TRPM1: variants seen among roughly 807,000 people sequenced by gnomAD.
TRPM1 encodes the protein transient receptor potential cation channel subfamily M member 1, also known as TRPM1-203 APA Isoform, Intron 10.
Under a neutral mutation model 149.4 loss-of-function variants are expected in TRPM1, and 113 were observed. The ratio of observed to expected loss-of-function variants is 0.76; its 90% CI spans 0.65 to 0.88. The LOEUF is 0.88. TRPM1 is among the 40% of genes least tolerant of loss of function. The pLI, the probability that TRPM1 is intolerant of heterozygous loss-of-function variation, is 0.00. For synonymous variants in TRPM1, 741 were observed against 759.5 expected (o/e 0.98, Z 0.40); for missense variants, 1,976 against 2,038.7 (o/e 0.97, Z 0.59).
chr15:31,084,493 C>T (rs11070797), intron 1 of TRPM1, among the ~76,000 whole-genome samples: 15,690 of 152,020 alleles, frequency 0.1, 1,153 homozygotes, highest in African/African-American at 0.21. Context: ...TCCTTTTGCT[C>T]GGCGTCATGT....
Position 31,035,608 on chromosome 15 carries a change from A to G in TRPM1, c.2638T>C (p.Ser880Pro). ...VILVRMDGWP[S>P]LQEWIVISYI... ...GAGATGACGATCCACTCCTGGAGGG[A>G]CGGCCAGCCATCCATCCGCACCAGG... Residue 880 changes from serine to proline, a missense_variant, in exon 21 of 28, where the codon TCC becomes CCC. Around this residue, in one of 3 missense-constraint regions of TRPM1, gnomAD observed 1,332 missense variants for 1,347.1 expected, o/e 0.99. Coordinates refer to ENST00000256552, the MANE Select transcript of TRPM1 (RefSeq NM_001252024.2). The G allele has an allele frequency of 6.2e-7, 1 of 1,614,132 alleles. No individual in the cohort carries two copies. Among genetic ancestry groups the G allele is most frequent in the Non-Finnish European group, 8.5e-7 (1 of 1,180,016 alleles).
chr15:31,046,922 G>T (rs2033781194), intron 15 of TRPM1, among the ~76,000 whole-genome samples, 189 bp downstream of exon 15: 1 of 152,242 alleles, frequency 6.6e-6, no homozygotes, highest in Admixed American at 6.5e-5. Flanking sequence ...TGGATGGGCG[G>T]GGCGGCCCGT....
chr15:31,034,478 T>C (rs1014467271), intron 21 of TRPM1, among the ~76,000 whole-genome samples: 1 of 152,220 alleles, frequency 6.6e-6, no homozygotes, highest in East Asian at 1.9e-4. Flanking sequence ...CTTGGAGCCA[T>C]GTCTCTGGTG....
rs146640619 is a variant in TRPM1, at chr15:31,068,962, T to C, written c.280-870A>G. ...AATTCCCCAGCCTAAGGCAATTTGTTATAGCAGCCAAACAGACCAAGACAC... is the reference window on the plus strand; with the variant it reads ...AATTCCCCAGCCTAAGGCAATTTGTCATAGCAGCCAAACAGACCAAGACAC... On this transcript the variant is annotated intron_variant, in intron 4 of 27. Coordinates refer to ENST00000256552, the MANE Select transcript of TRPM1 (RefSeq NM_001252024.2). Among the ~76,000 whole-genome samples, 55 of 152,298 alleles carry C rather than the reference T, an allele frequency of 3.6e-4. No homozygotes were observed. In the East Asian group the frequency reaches 9.1e-3, roughly 25 times the overall value.
rs143880852 is a variant in TRPM1, at chr15:31,036,444, T to G, written c.2572-770A>C. 2.5e-3 allele frequency among the ~76,000 whole-genome samples: 378 copies of G among 152,244 alleles called. 3 individuals carry two copies. The highest frequency in any genetic ancestry group is 8.8e-3 in the African/African-American group (364 of 41,544). ...TGGGCAGTTTGGTTTTTTTTTCTTTTTTTTCAAGATCCTGCCTCCCAAGCC... is the reference window on the plus strand; with the variant it reads ...TGGGCAGTTTGGTTTTTTTTTCTTTGTTTTCAAGATCCTGCCTCCCAAGCC... On this transcript the variant is annotated intron_variant, in intron 20 of 27. Coordinates refer to ENST00000256552, the MANE Select transcript of TRPM1 (RefSeq NM_001252024.2).
chr15:31,046,474 C>T (rs1596014460), intron 15 of TRPM1, among the ~76,000 whole-genome samples: 1 of 152,078 alleles, frequency 6.6e-6, no homozygotes, highest in South Asian at 2.1e-4. Flanking sequence ...AGGTAGAAAC[C>T]GAGAAGTTCC....
At chr15:31,072,014 TATATAGAGAGAGAG>T (rs1450138077) in intron 3 of TRPM1, among the ~76,000 whole-genome samples, 20 of 28,284 alleles carry the variant, frequency 7.1e-4, no homozygotes, top group Non-Finnish European at 1.3e-3. Context: ...TATATATATA[TATATAGAGAGAGAG>T]AGAGAGAGAG....
chr15:31,022,108 C>G (rs1360496189), intron 27 of TRPM1, among the ~76,000 whole-genome samples: 1 of 152,196 alleles, frequency 6.6e-6, no homozygotes, highest in Non-Finnish European at 1.5e-5. Flanking sequence ...GAAGTTGGGT[C>G]TCTGACAAAA....
At chr15:31,101,123 C>T (rs1037907444) in intron 1 of TRPM1, among the ~76,000 whole-genome samples, 1 of 152,334 alleles carries the variant, frequency 6.6e-6, no homozygotes, top group East Asian at 1.9e-4. Flanking sequence ...CCCTGTCTCT[C>T]CTAGAACTTC....
chr15:31,114,873 A>G (rs2035775675), intron 1 of TRPM1, among the ~76,000 whole-genome samples: 1 of 152,262 alleles, frequency 6.6e-6, no homozygotes, highest in African/African-American at 2.4e-5. Flanking sequence ...AAAAAAGAGT[A>G]AAGAACAAAG....
chr15:31,071,559 C>T (rs2034539983), intron 3 of TRPM1, among the ~76,000 whole-genome samples: 1 of 151,992 alleles, frequency 6.6e-6, no homozygotes, highest in African/African-American at 2.4e-5. Flanking sequence ...CCCTCCCACC[C>T]TCCTTCTGAT....
At chr15:31,123,959 A>C (rs2141036170) in intron 1 of TRPM1, among the ~76,000 whole-genome samples, 1 of 152,368 alleles carries the variant, frequency 6.6e-6, no homozygotes, top group South Asian at 2.1e-4. Flanking sequence ...CAATGGGTAC[A>C]TGCAGTACCT....
chr15:31,071,979 ACATATATATATATATATAT>A lies in TRPM1; in HGVS notation c.84-1772_84-1754del, dbSNP rs1261391202. ...ACTCCGTCTCAAAAAAAAAAAAAAA[ACATATATATATATATATAT>A]ATATATATATATATATATATAGAGA... is the stretch of plus-strand genomic sequence containing the variant. On this transcript the variant is annotated intron_variant, in intron 3 of 27. Coordinates refer to ENST00000256552, the MANE Select transcript of TRPM1 (RefSeq NM_001252024.2). Among the ~76,000 whole-genome samples, 558 of 83,598 alleles carry A rather than the reference ACATATATATATATATATAT, an allele frequency of 6.7e-3. 16 individuals are homozygous for A. The highest frequency in any genetic ancestry group is 0.025 in the African/African-American group (442 of 17,890). 54.8% of individuals were successfully genotyped at this position (83,598 alleles called of 152,430 possible).
intron 23 of TRPM1, among the ~76,000 whole-genome samples, chr15:31,029,848 C>G (rs547381288): frequency 6.6e-6 from 1 of 151,894 alleles, no homozygotes; most frequent in South Asian, 2.1e-4. Context: ...ATAGCACAGC[C>G]TAAAGTTTAC....
chr15:31,062,737 C>G, intron 8 of TRPM1, 35 bp from the exon 9 acceptor site: 1 of 1,610,526 alleles, frequency 6.2e-7, no homozygotes, highest in Non-Finnish European at 8.5e-7. Flanking sequence ...CAAAACAAGG[C>G]AAGTTAAATC....
chr15:31,098,695 G>T (rs916774468), intron 1 of TRPM1, among the ~76,000 whole-genome samples: 2 of 152,156 alleles, frequency 1.3e-5, no homozygotes, highest in Non-Finnish European at 2.9e-5. Context: ...GGAGAGCCAG[G>T]GCCACCTGCC....
At chr15:31,128,543 G>A (rs2035979489) in intron 1 of TRPM1, among the ~76,000 whole-genome samples, 1 of 152,178 alleles carries the variant, frequency 6.6e-6, no homozygotes, top group South Asian at 2.1e-4. Context: ...TCTTATTTCA[G>A]GTGCCACAAC....
At chr15:31,026,763 A>C in intron 26 of TRPM1, 152 bp downstream of exon 26, 1 of 812,270 alleles carries the variant, frequency 1.2e-6, no homozygotes, top group Non-Finnish European at 2.0e-6. Context: ...AAATGGGTAC[A>C]AAATGAGAAG....
rs1422108825 is a variant in TRPM1, at chr15:31,042,035, C to T, written c.2003G>A (p.Cys668Tyr). ...EESMAKALVA[C>Y]KLYKAMAHES... ...GTGGGCCATGGCCTTGTAGAGCTTG[C>T]AGGCCACCAGGGCCTTGGCCATGCT... The change falls in exon 17 of 28, where the codon TGC becomes TAC. Residue 668 changes from cysteine (C) to tyrosine (Y), a missense_variant. Physicochemically the swap from Cys to Tyr is radical, Grantham distance 194. Coordinates refer to ENST00000256552, the MANE Select transcript of TRPM1 (RefSeq NM_001252024.2). 2 of 1,614,226 alleles carry T rather than the reference C, an allele frequency of 1.2e-6. No individual in the cohort carries two copies.
Sources: allele counts gnomAD v4.1 joint callset (sites outside exome capture counted in the v4.1 genomes callset), GRCh38; gene constraint gnomAD v4.1.1; regional missense constraint gnomAD v4.1.1; transcripts MANE v1.5; gene names NCBI Gene and HGNC (gene_info 2026-07-23, HGNC 2026-07-21).